Variants in CPNE4 observed in about 807,000 individuals in gnomAD.
CPNE4 encodes the protein copine 4.
CPNE4 carries 25 observed loss-of-function variants against 67.9 expected under a neutral mutation model. The observed-to-expected ratio is 0.37, with a 90% CI of 0.27 to 0.51. CPNE4 has a LOEUF of 0.51. CPNE4 is among the 20% of genes least tolerant of loss of function. The pLI is 0.93. For synonymous variants in CPNE4, 242 were observed against 244.9 expected, an observed-to-expected ratio of 0.99 and a Z score of 0.11; for missense variants, 464 against 690.8, an observed-to-expected ratio of 0.67 and a Z score of 3.68.
intron 2 of CPNE4, among the ~76,000 whole-genome samples, chr3:131,737,836 CT>C (rs2082273694): frequency 6.6e-6 from 1 of 151,784 alleles, no homozygotes; most frequent in African/African-American, 2.4e-5. Context: ...TCCTAGAGGA[CT>C]TTAAAAAAAA....
intron 1 of CPNE4, among the ~76,000 whole-genome samples, chr3:131,961,280 T>C (rs1380931875): frequency 6.6e-6 from 1 of 152,176 alleles, no homozygotes; most frequent in African/African-American, 2.4e-5. Flanking sequence ...GTATTAGAAT[T>C]TAAATCTTAT....
intron 2 of CPNE4, among the ~76,000 whole-genome samples, chr3:131,838,590 A>G (rs1038901709): frequency 2.8e-5 from 4 of 141,948 alleles, no homozygotes; most frequent in African/African-American, 1.0e-4. Flanking sequence ...AATGTTGATG[A>G]ACATTAAAGT....
chr3:131,569,612 C>T (rs76485351), intron 10 of CPNE4, among the ~76,000 whole-genome samples: 2,821 of 145,712 alleles, frequency 0.019, 35 homozygotes, highest in East Asian at 0.033. Flanking sequence ...CACTGCACTC[C>T]GGGAAACAGA....
intron 11 of CPNE4, among the ~76,000 whole-genome samples, chr3:131,562,537 C>T (rs561736168): frequency 2.3e-4 from 35 of 152,054 alleles, no homozygotes; most frequent in Non-Finnish European, 4.9e-4. Context: ...CTTGAGAATC[C>T]TGAAGATACT....
chr3:131,880,120 A>G (rs34508095), intron 2 of CPNE4, among the ~76,000 whole-genome samples: 46,685 of 136,216 alleles, frequency 0.34, 8,021 homozygotes, highest in South Asian at 0.49. Flanking sequence ...TATAGTATAT[A>G]TATATATACA....
At chr3:131,948,102 T>C (rs2071613235) in intron 1 of CPNE4, among the ~76,000 whole-genome samples, 1 of 152,212 alleles carries the variant, frequency 6.6e-6, no homozygotes, top group African/African-American at 2.4e-5. Flanking sequence ...CTTTTACTTC[T>C]TTGGGTAGAT....
At chr3:131,974,431 A>G (rs2072590400) in intron 1 of CPNE4, among the ~76,000 whole-genome samples, 1 of 152,156 alleles carries the variant, frequency 6.6e-6, no homozygotes, top group Non-Finnish European at 1.5e-5. Flanking sequence ...ATATGTACTG[A>G]CTTCCCAACT....
intron 3 of CPNE4, among the ~76,000 whole-genome samples, chr3:131,718,194 T>G (rs994693676): frequency 4.6e-5 from 7 of 151,894 alleles, no homozygotes; most frequent in Non-Finnish European, 8.8e-5. Flanking sequence ...TGGGTTTCAC[T>G]ATGTTGTCCA....
intron 2 of CPNE4, among the ~76,000 whole-genome samples, chr3:131,842,083 C>CT (rs2085808115): frequency 6.6e-6 from 1 of 152,096 alleles, no homozygotes; most frequent in South Asian, 2.1e-4. Context: ...CAGCCTGGGC[C>CT]TTAGAGTGCC....
At chr3:131,918,674 ATAATCT>A (rs2070648591) in intron 1 of CPNE4, among the ~76,000 whole-genome samples, 1 of 152,218 alleles carries the variant, frequency 6.6e-6, no homozygotes, top group African/African-American at 2.4e-5. Flanking sequence ...GTGCTAATAG[ATAATCT>A]TAAAAGGAAC....
intron 7 of CPNE4, among the ~76,000 whole-genome samples, chr3:131,650,885 A>G (rs527241781): frequency 6.6e-6 from 1 of 152,140 alleles, no homozygotes; most frequent in African/African-American, 2.4e-5. Context: ...ATAGAAATGC[A>G]TAGTAAAAAA....
chr3:131,903,261 C>T (rs1439048683), intron 2 of CPNE4, among the ~76,000 whole-genome samples: 1 of 152,042 alleles, frequency 6.6e-6, no homozygotes, highest in Non-Finnish European at 1.5e-5. Context: ...ATCAGCATGG[C>T]TTCAAATCCC....
chr3:131,548,333 G>A (rs1194167262), intron 14 of CPNE4, among the ~76,000 whole-genome samples: 1 of 152,076 alleles, frequency 6.6e-6, no homozygotes, highest in Non-Finnish European at 1.5e-5. Context: ...ATTGTTTTGT[G>A]TACTAGGGAT....
chr3:131,863,880 G>C (rs1233618531), intron 2 of CPNE4, among the ~76,000 whole-genome samples: 1 of 152,156 alleles, frequency 6.6e-6, no homozygotes, highest in Non-Finnish European at 1.5e-5. Flanking sequence ...ATTAATTTTT[G>C]TATAAGGTGT....
chr3:131,894,829 CTATTA>C (rs771918476), intron 2 of CPNE4, among the ~76,000 whole-genome samples: 19 of 151,974 alleles, frequency 1.3e-4, no homozygotes, highest in African/African-American at 3.6e-4. Flanking sequence ...AAAAATAGAA[CTATTA>C]TATTATCCAG....
Position 131,570,994 on chromosome 3 carries a change from G to T in CPNE4, c.927+4077C>A, listed in dbSNP as rs184272736. Among the ~76,000 whole-genome samples the T allele has an allele frequency of 2.8e-4, 42 of 151,016 alleles. 1 individual carries two copies. Among genetic ancestry groups the T allele is most frequent in the African/African-American group, 7.7e-4 (32 of 41,426 alleles). On this transcript the variant is annotated intron_variant, in intron 10 of 15. Transcript: ENST00000429747. ...TCCCTTCACTGTTAACTTCTTGAAT[G>T]AATACTTACACCTGCTGTGTTCACT...
rs71136405 is a variant in CPNE4, at chr3:131,717,874, TTTTCTTTCTTTC to T, written c.360+5560_360+5571del. Among the ~76,000 whole-genome samples, 13 of 97,010 alleles carry T rather than the reference TTTTCTTTCTTTC, an allele frequency of 1.3e-4. No homozygotes were observed. The East Asian group carries it at 1.5e-3, about 11-fold the overall frequency. The allele number at this position is 97,010 out of a possible 152,430, so 63.6% of individuals were successfully genotyped here. ...CCTCGCTCCCTCCTTTCTTTCTTTC[TTTTCTTTCTTTC>T]TTTCTTTCTTTCTTTCTTTCTTTCT... On this transcript the variant is annotated intron_variant, in intron 3 of 15. Coordinates refer to ENST00000429747, the MANE Select transcript of CPNE4 (RefSeq NM_130808.3).
At chr3:131,587,681 T>A in intron 7 of CPNE4, 99 bp from the exon 8 acceptor site, 1 of 856,158 alleles carries the variant, frequency 1.2e-6, no homozygotes, top group Admixed American at 2.2e-5. Context: ...ATGAAAGATG[T>A]TTGGTCTGGA....
intron 1 of CPNE4, among the ~76,000 whole-genome samples, chr3:132,032,524 T>G (rs1043362074): frequency 1.6e-4 from 25 of 152,242 alleles, no homozygotes; most frequent in African/African-American, 5.3e-4. Flanking sequence ...TTGAGTTTGA[T>G]CCTCTAAAAC....
Sources: gnomAD v4.1 joint callset for allele counts (sites outside exome capture counted in the v4.1 genomes callset) on GRCh38, gnomAD v4.1.1 for gene constraint, MANE v1.5 for transcripts, NCBI Gene and HGNC (gene_info 2026-07-23, HGNC 2026-07-21) for gene names.